Variants in HMGA2 observed in about 807,000 individuals in gnomAD.
HMGA2 encodes the protein high mobility group AT-hook 2.
A neutral mutation model predicts 19.1 loss-of-function variants in HMGA2; 8 were observed. The ratio of observed to expected loss-of-function variants is 0.42; its 90% confidence interval spans 0.25 to 0.76. The LOEUF (loss-of-function observed/expected upper bound fraction) is 0.76, where lower values mean the gene tolerates loss of function less well. Among genes scored for constraint, HMGA2 ranks in the 30% least tolerant of loss-of-function variants. The probability of loss-of-function intolerance (pLI) is 0.28; values close to 1 mark genes in which losing one functional copy is unlikely to be tolerated. For synonymous variants in HMGA2, 60 were observed against 48.8 expected (o/e 1.23, Z -0.96); for missense variants, 109 against 136.3 (o/e 0.80, Z 1.00).
chr12:65,904,043 T>G (rs1224222966), intron 3 of HMGA2, among the ~76,000 whole-genome samples: 1 of 152,250 alleles, frequency 6.6e-6, no homozygotes, highest in Non-Finnish European at 1.5e-5. Context: ...TAGCGATCCA[T>G]GAGCAGTAAT....
rs560284451 is a variant in HMGA2, at chr12:65,883,626, C to G, written c.249+45057C>G. 2.0e-5 allele frequency among the ~76,000 whole-genome samples: 3 copies of G among 152,270 alleles called. No individual in the cohort carries two copies. The South Asian group carries it at 6.2e-4, about 32-fold the overall frequency. The stretch of plus-strand genomic sequence containing the variant: ...TCCTAACTTGAATTTAGGTTAATGT[C>G]TATGCACTGCTTTTTTTTCACCTGC... On this transcript the variant is annotated intron_variant, in intron 3 of 4. Coordinates refer to ENST00000403681, the MANE Select transcript of HMGA2 (RefSeq NM_003483.6).
chr12:65,901,518 A>C (rs1416124888), intron 3 of HMGA2, among the ~76,000 whole-genome samples: 1 of 152,190 alleles, frequency 6.6e-6, no homozygotes, highest in East Asian at 1.9e-4. Context: ...TGATTTTGTG[A>C]CACTGTTGTT....
chr12:65,915,050 T>C (rs1207777245), intron 3 of HMGA2: 3 of 1,613,576 alleles, frequency 1.9e-6, no homozygotes, highest in Non-Finnish European at 2.5e-6. Context: ...CCTGATGTCA[T>C]ATCCACAGGA....
At chr12:65,902,146 G>A (rs1310510801) in intron 3 of HMGA2, among the ~76,000 whole-genome samples, 2 of 151,954 alleles carry the variant, frequency 1.3e-5, no homozygotes, top group African/African-American at 4.8e-5. Flanking sequence ...GCTGTAATAT[G>A]GATCATCCTA....
chr12:65,826,583 G>C (rs985703719), intron 1 of HMGA2: 4 of 152,110 alleles, frequency 2.6e-5, no homozygotes, highest in Non-Finnish European at 5.9e-5. Flanking sequence ...GTGCATTTTA[G>C]AAAAATTGAG....
chr12:65,866,917 G>A (rs1244739983), intron 3 of HMGA2: 1 of 456,976 alleles, frequency 2.2e-6, no homozygotes, highest in South Asian at 1.5e-5. Flanking sequence ...TCTTTCTGCT[G>A]CTGTCAAGAT....
chr12:65,915,047 T>C (rs1331903465), intron 3 of HMGA2: 2 of 1,613,506 alleles, frequency 1.2e-6, no homozygotes, highest in Non-Finnish European at 1.7e-6. Flanking sequence ...CATCCTGATG[T>C]CATATCCACA....
chr12:65,887,856 A>G (rs188024566), intron 3 of HMGA2, among the ~76,000 whole-genome samples: 28 of 149,880 alleles, frequency 1.9e-4, no homozygotes, highest in African/African-American at 6.8e-4. Flanking sequence ...ACTAGCCAAT[A>G]TTAGCCTGCC....
At chr12:65,961,159 C>T (rs999766424) in intron 4 of HMGA2, among the ~76,000 whole-genome samples, 13 of 152,166 alleles carry the variant, frequency 8.5e-5, no homozygotes, top group African/African-American at 3.1e-4. Context: ...TACTTGCTGG[C>T]TTTTATGCCG....
intron 3 of HMGA2, among the ~76,000 whole-genome samples, chr12:65,880,227 G>A (rs556782090): frequency 6.6e-6 from 1 of 152,290 alleles, no homozygotes; most frequent in East Asian, 1.9e-4. Context: ...AAGCATTTCA[G>A]GTCAAAGCAA....
chr12:65,844,303 C>G (rs1170739455), intron 3 of HMGA2, among the ~76,000 whole-genome samples: 1 of 152,046 alleles, frequency 6.6e-6, no homozygotes, highest in East Asian at 1.9e-4. Context: ...AAAATACATG[C>G]TTAGTAATTA....
At chr12:65,838,244 T>G (rs1392529901) in intron 2 of HMGA2, among the ~76,000 whole-genome samples, 1 of 152,156 alleles carries the variant, frequency 6.6e-6, no homozygotes, top group Non-Finnish European at 1.5e-5. Context: ...AAAAGCATTT[T>G]CATGTATTTC....
intron 3 of HMGA2, among the ~76,000 whole-genome samples, chr12:65,936,148 GTTC>G (rs1875886117): frequency 6.6e-6 from 1 of 151,148 alleles, no homozygotes; most frequent in Non-Finnish European, 1.5e-5. Context: ...AAGTAATGTT[GTTC>G]CTTGTTAATA....
chr12:65,914,971 GGT>G, intron 3 of HMGA2: 2 of 1,569,548 alleles, frequency 1.3e-6, no homozygotes, highest in Admixed American at 3.4e-5. Context: ...CATCGTGCCT[GGT>G]CTAAAAAATG....
At chr12:65,934,273 G>A (rs1875817498) in intron 3 of HMGA2, among the ~76,000 whole-genome samples, 2 of 152,108 alleles carry the variant, frequency 1.3e-5, no homozygotes. Context: ...ACAGGGGCTG[G>A]GGGGATAAAA....
intron 3 of HMGA2, among the ~76,000 whole-genome samples, chr12:65,948,642 A>G (rs947967096): frequency 1.3e-5 from 2 of 152,262 alleles, no homozygotes; most frequent in South Asian, 2.1e-4. Flanking sequence ...CCTGGCAGCC[A>G]TAACCCCAAC....
At chr12:65,924,518 C>T (rs1309474380) in intron 3 of HMGA2, among the ~76,000 whole-genome samples, 1 of 152,080 alleles carries the variant, frequency 6.6e-6, no homozygotes, top group African/African-American at 2.4e-5. Context: ...ATGAAGTTGG[C>T]CAGGCACAGT....
intron 3 of HMGA2, chr12:65,843,590 G>A (rs566927012): frequency 5.8e-5 from 10 of 173,670 alleles, no homozygotes; most frequent in Non-Finnish European, 1.2e-4. Context: ...TGAAGAACCC[G>A]GAAATCTGAT....
chr12:65,922,426 C>A (rs894257047), intron 3 of HMGA2, among the ~76,000 whole-genome samples: 1 of 152,148 alleles, frequency 6.6e-6, no homozygotes, highest in South Asian at 2.1e-4. Flanking sequence ...CACAGGATTT[C>A]GGACTTCCAT....
Sources: gnomAD v4.1 joint callset for allele counts (sites outside exome capture counted in the v4.1 genomes callset) on GRCh38, gnomAD v4.1.1 for gene constraint, MANE v1.5 for transcripts, NCBI Gene and HGNC (gene_info 2026-07-23, HGNC 2026-07-21) for gene names.